The following RCOR3 variants were observed in gnomAD, a reference collection of about 807,000 sequenced individuals.
RCOR3 encodes REST corepressor 3.
RCOR3 carries 13 observed loss-of-function variants against 64.1 expected under a neutral mutation model. That is an observed-to-expected ratio of 0.20 (90% CI 0.13 to 0.32). The LOEUF (loss-of-function observed/expected upper bound fraction) is 0.32. RCOR3 is among the 10% of genes least tolerant of loss of function. RCOR3 has a pLI of 1.00. For missense variants in RCOR3, 489 were observed against 701.2 expected, an observed-to-expected ratio of 0.70 and a Z score of 3.42; for synonymous variants, 215 against 239.0, an observed-to-expected ratio of 0.90 and a Z score of 0.93.
At chr1:211,290,269 A>T (rs1296736824) in intron 8 of RCOR3, among the ~76,000 whole-genome samples, 1 of 152,164 alleles carries the variant, frequency 6.6e-6, no homozygotes, top group Non-Finnish European at 1.5e-5. Context: ...CCTTAGCTAT[A>T]GTTCCAGCTG....
intron 10 of RCOR3, among the ~76,000 whole-genome samples, chr1:211,307,723 A>G (rs1214358498): frequency 2.0e-5 from 3 of 151,830 alleles, no homozygotes; most frequent in Non-Finnish European, 4.4e-5. Context: ...TTTCCTAGTC[A>G]TTACTGCTTA....
chr1:211,270,248 A>T (rs1054821521), intron 2 of RCOR3, among the ~76,000 whole-genome samples: 92 of 152,072 alleles, frequency 6.0e-4, no homozygotes, highest in Non-Finnish European at 1.2e-4. Context: ...TTTTTAGTAG[A>T]GACGGGATTT....
At chr1:211,304,190 A>G (rs1700645932) in intron 10 of RCOR3, 50 bp downstream of exon 10, 3 of 1,355,292 alleles carry the variant, frequency 2.2e-6, no homozygotes, top group East Asian at 2.5e-5. Flanking sequence ...TTAATTTGTC[A>G]TGAAAGGTGA....
At chr1:211,261,812 T>G (rs1169434490) in intron 2 of RCOR3, among the ~76,000 whole-genome samples, 4 of 147,818 alleles carry the variant, frequency 2.7e-5, no homozygotes, top group Non-Finnish European at 5.9e-5. Flanking sequence ...ACCCAGCTAC[T>G]CGGGAGGCTG....
intron 7 of RCOR3, among the ~76,000 whole-genome samples, chr1:211,281,261 C>T (rs1416387343): frequency 6.6e-6 from 1 of 152,130 alleles, no homozygotes; most frequent in Non-Finnish European, 1.5e-5. Flanking sequence ...ACCTTTTTAA[C>T]CATTGTGTCT....
At chr1:211,262,384 AATT>A (rs1335577937) in intron 2 of RCOR3, among the ~76,000 whole-genome samples, 1 of 152,180 alleles carries the variant, frequency 6.6e-6, no homozygotes, top group Admixed American at 6.5e-5. Context: ...GGCATATGGC[AATT>A]ATTCTATAAA....
intron 2 of RCOR3, among the ~76,000 whole-genome samples, chr1:211,267,054 TAAG>T (rs1461579693): frequency 2.6e-5 from 4 of 152,184 alleles, no homozygotes; most frequent in African/African-American, 9.7e-5. Flanking sequence ...GGAAGGAACT[TAAG>T]AAAGAACTGT....
chr1:211,267,003 G>A (rs1695318194), intron 2 of RCOR3, among the ~76,000 whole-genome samples: 1 of 152,192 alleles, frequency 6.6e-6, no homozygotes, highest in African/African-American at 2.4e-5. Flanking sequence ...CATTTATTTT[G>A]TAGTTGATAA....
At chr1:211,289,885 T>A (rs544021514) in intron 8 of RCOR3, among the ~76,000 whole-genome samples, 1 of 152,280 alleles carries the variant, frequency 6.6e-6, no homozygotes, top group South Asian at 2.1e-4. Flanking sequence ...GTGAACCTGT[T>A]AAGTTCTAAC....
chr1:211,295,967 G>A (rs1377182605), intron 9 of RCOR3, among the ~76,000 whole-genome samples: 3 of 152,084 alleles, frequency 2.0e-5, no homozygotes, highest in Non-Finnish European at 2.9e-5. Flanking sequence ...CCTGCCCTTA[G>A]AAATTCATAG....
chr1:211,312,820 G>C lies in RCOR3; in HGVS notation c.1176G>C (p.Arg392=), dbSNP rs202201412. The C allele has an allele frequency of 4.1e-5, 66 of 1,614,210 alleles. No homozygotes were observed. Among genetic ancestry groups the C allele is most frequent in the African/African-American group, 5.3e-5 (4 of 75,064 alleles). The change falls in exon 11 of 12, where the codon CGG becomes CGC. Residue 392 remains arginine (R), a synonymous_variant. Coordinates refer to ENST00000419091, the MANE Select transcript of RCOR3 (RefSeq NM_001136223.3). The surrounding 1 kb of genome is among the most constrained non-coding windows in gnomAD (Gnocchi z 5.0). ...VKNFFVNYRR[R]FNLEEVLQEW... ...ACTTCTTTGTAAACTACAGGCGTCG[G>C]TTTAACTTAGAGGAGGTATTGCAGG...
intron 7 of RCOR3, among the ~76,000 whole-genome samples, chr1:211,283,057 A>G (rs548739599): frequency 4.6e-5 from 7 of 152,316 alleles, no homozygotes; most frequent in African/African-American, 1.7e-4. Context: ...ATATACTGCA[A>G]CTTATTCACT....
At chr1:211,286,594 A>G (rs1183283057) in intron 7 of RCOR3, among the ~76,000 whole-genome samples, 2 of 152,154 alleles carry the variant, frequency 1.3e-5, no homozygotes, top group African/African-American at 2.4e-5. Flanking sequence ...GGCGTGAGCC[A>G]CTGTGCCCAG....
intron 3 of RCOR3, among the ~76,000 whole-genome samples, chr1:211,272,379 C>T (rs1307478884): frequency 6.6e-6 from 1 of 152,138 alleles, no homozygotes; most frequent in Non-Finnish European, 1.5e-5. Context: ...TGGCTTAGTT[C>T]TGTTTTACAC....
chr1:211,308,056 G>A (rs954515304), intron 10 of RCOR3, among the ~76,000 whole-genome samples: 15 of 152,248 alleles, frequency 9.9e-5, no homozygotes, highest in Admixed American at 5.9e-4. Context: ...AGATTTGGCA[G>A]TTGATTAAAA....
chr1:211,276,465 T>G, intron 5 of RCOR3, 47 bp downstream of exon 5: 10 of 1,490,546 alleles, frequency 6.7e-6, no homozygotes, highest in East Asian at 2.3e-5. Flanking sequence ...AATGATATCT[T>G]AAGCTACTAT....
intron 2 of RCOR3, chr1:211,260,899 C>A (rs1694141477): frequency 6.6e-6 from 1 of 152,426 alleles, no homozygotes; most frequent in Admixed American, 6.5e-5. Flanking sequence ...ACCCAGCTTG[C>A]GGGCTCCCTG....
At chr1:211,277,731 A>C (rs1038270268) in intron 5 of RCOR3, among the ~76,000 whole-genome samples, 1 of 152,194 alleles carries the variant, frequency 6.6e-6, no homozygotes, top group African/African-American at 2.4e-5. Context: ...AATGTTCTGG[A>C]ATTAGATAGA....
At chr1:211,276,162 A>G in intron 4 of RCOR3, 95 bp from the exon 5 acceptor site, 1 of 1,213,316 alleles carries the variant, frequency 8.2e-7, no homozygotes, top group Non-Finnish European at 1.2e-6. Flanking sequence ...TCGAAGTCAT[A>G]GGCTTAAGAT....
Sources: gnomAD v4.1 joint callset for allele counts (sites outside exome capture counted in the v4.1 genomes callset) on GRCh38, gnomAD v4.1.1 for gene constraint, Gnocchi (gnomAD v3.1) non-coding constraint, MANE v1.5 for transcripts, NCBI Gene and HGNC (gene_info 2026-07-23, HGNC 2026-07-21) for gene names.